DNMT3B: variants seen among roughly 807,000 people sequenced by gnomAD.
DNMT3B encodes DNA (cytosine-5)-methyltransferase 3B.
Under a neutral mutation model 120.2 loss-of-function variants are expected in DNMT3B, and 37 were observed. The observed-to-expected ratio is 0.31, with a 90% CI of 0.24 to 0.40. DNMT3B has a LOEUF of 0.40. Ranked by LOEUF, DNMT3B falls within the 10% of genes least tolerant of loss-of-function variation. DNMT3B has a pLI of 1.00. For missense variants in DNMT3B, 878 were observed against 1,137.3 expected (o/e 0.77, Z 3.28); for synonymous variants, 412 against 442.8 (o/e 0.93, Z 0.87).
At chr20:32,804,035 AGT>A (rs1981680018) in intron 20 of DNMT3B, among the ~76,000 whole-genome samples, 1 of 152,156 alleles carries the variant, frequency 6.6e-6, no homozygotes, top group Admixed American at 6.5e-5. Context: ...TAGAGAACAC[AGT>A]GTGAGTGGTG....
chr20:32,762,882 C>G (rs73112116), intron 1 of DNMT3B, among the ~76,000 whole-genome samples, 183 bp downstream of exon 1: 3,151 of 152,056 alleles, frequency 0.021, 46 homozygotes, highest in Non-Finnish European at 0.03. Context: ...GTCCACGGAC[C>G]CTGCTTGGGG....
At chr20:32,804,705 T>G (rs1981767698) in intron 20 of DNMT3B, among the ~76,000 whole-genome samples, 1 of 135,314 alleles carries the variant, frequency 7.4e-6, no homozygotes, top group African/African-American at 2.7e-5. Flanking sequence ...TTTTTTTTTT[T>G]GGAACCTTAA....
chr20:32,785,295 C>T (rs1175547131), intron 4 of DNMT3B, among the ~76,000 whole-genome samples: 5 of 152,210 alleles, frequency 3.3e-5, no homozygotes, highest in Non-Finnish European at 7.3e-5. Flanking sequence ...CCACCTTGGC[C>T]TCCTAAAGTG....
chr20:32,763,559 GCTCCTGGAAGATA>G (rs1241052570), intron 1 of DNMT3B, among the ~76,000 whole-genome samples: 2 of 152,226 alleles, frequency 1.3e-5, no homozygotes, highest in African/African-American at 4.8e-5. Flanking sequence ...TCTAGCACCA[GCTCCTGGAAGATA>G]AGCTTCCCGG....
chr20:32,785,588 G>A (rs1979173360), intron 4 of DNMT3B, among the ~76,000 whole-genome samples: 1 of 152,298 alleles, frequency 6.6e-6, no homozygotes, highest in South Asian at 2.1e-4. Context: ...TATCCCAGGT[G>A]TGGGTTACAG....
intron 20 of DNMT3B, 42 bp from the exon 21 acceptor site, chr20:32,805,296 C>T (rs368605891): frequency 6.2e-7 from 1 of 1,613,236 alleles, no homozygotes; most frequent in Non-Finnish European, 8.5e-7. Context: ...GCAGAGGACC[C>T]TCTATAGCTA....
At chr20:32,765,750 C>CTTTTTTTTTTTTT (rs1208508674) in intron 1 of DNMT3B, among the ~76,000 whole-genome samples, 8 of 108,440 alleles carry the variant, frequency 7.4e-5, no homozygotes, top group East Asian at 3.2e-4. Context: ...TTTATTTTTT[C>CTTTTTTTTTTTTT]TTTTTTTCTT....
intron 1 of DNMT3B, among the ~76,000 whole-genome samples, chr20:32,766,379 GT>G (rs1157610536): frequency 6.8e-5 from 10 of 146,444 alleles, no homozygotes; most frequent in South Asian, 2.2e-4. Flanking sequence ...GATAGCTTAA[GT>G]TTTTTTTTTT....
At chr20:32,766,694 T>C (rs1205537291) in intron 1 of DNMT3B, among the ~76,000 whole-genome samples, 1 of 151,152 alleles carries the variant, frequency 6.6e-6, no homozygotes, top group Non-Finnish European at 1.5e-5. Flanking sequence ...TTCAAGCAAT[T>C]CTCATGCCTC....
intron 22 of DNMT3B, among the ~76,000 whole-genome samples, chr20:32,806,583 T>A (rs1430155779): frequency 6.6e-6 from 1 of 152,216 alleles, no homozygotes; most frequent in East Asian, 1.9e-4. Flanking sequence ...TGCCGTGACA[T>A]CTGCCTGTCC....
At chr20:32,805,502 TC>T (rs2146083329) in intron 21 of DNMT3B, 95 bp downstream of exon 21, 5 of 1,435,980 alleles carry the variant, frequency 3.5e-6, no homozygotes, top group Non-Finnish European at 3.9e-6. Context: ...TTCCTACTCC[TC>T]CCCCCACGTG....
In DNMT3B at chr20:32,795,449, C is replaced by T. The variant is rs761852037; in HGVS notation, c.1167C>T (p.Thr389=). The T allele has an allele frequency of 1.2e-6, 2 of 1,614,044 alleles. No individual in the cohort carries two copies. Among genetic ancestry groups the T allele is most frequent in the African/African-American group, 1.3e-5 (1 of 74,908 alleles). Reference sequence around the variant, plus strand: ...GACGCACAGCTGACGACTCAGCCACCTCTGACTACTGCCCCGCACCCAAGC... The same window carrying T: ...GACGCACAGCTGACGACTCAGCCACTTCTGACTACTGCCCCGCACCCAAGC... ...TRRRTADDSA[T]SDYCPAPKRL... is the part of the protein sequence containing the mutation. The change falls in exon 11 of 23, where the codon ACC becomes ACT. Residue 389 remains threonine, a synonymous_variant. Coordinates refer to ENST00000328111, the MANE Select transcript of DNMT3B (RefSeq NM_006892.4).
Position 32,795,637 on chromosome 20 carries a change from C to T in DNMT3B, c.1253-13C>T, listed in dbSNP as rs764972167. ...CCCTGACCTCATCTCATGCCTTCTT[C>T]TTTTCTCAATAGAACAAATGGCTTC... On this transcript the variant is annotated splice_polypyrimidine_tract_variant and intron_variant, in intron 11 of 22. Transcript: ENST00000328111. 1.9e-6 allele frequency: 3 copies of T among 1,614,062 alleles called. No individual in the cohort carries two copies. Among genetic ancestry groups the T allele is most frequent in the East Asian group, 4.5e-5 (2 of 44,902 alleles).
At chr20:32,768,289 G>A (rs11907740) in intron 1 of DNMT3B, among the ~76,000 whole-genome samples, 43,542 of 134,986 alleles carry the variant, frequency 0.32, 7,308 homozygotes, top group East Asian at 0.73. Context: ...CCCGCTTCCC[G>A]GGTTCAAGCA....
At position 32,804,533 on chromosome 20, in the gene DNMT3B, C is replaced by T. The variant is rs555190204; in HGVS notation, c.2232-805C>T. On this transcript the variant is annotated intron_variant, in intron 20 of 22. Coordinates refer to ENST00000328111, the MANE Select transcript of DNMT3B (RefSeq NM_006892.4). ...CGTTCCTAACACAGGTTACTATGGCCGTCCCTGCGTCCAGTCCTCTTGCAC... is the reference window on the plus strand; with the variant it reads ...CGTTCCTAACACAGGTTACTATGGCTGTCCCTGCGTCCAGTCCTCTTGCAC... 3.3e-5 allele frequency among the ~76,000 whole-genome samples: 5 copies of T among 152,206 alleles called. No homozygotes were observed. In the South Asian group the frequency reaches 8.3e-4, roughly 25 times the overall value.
At chr20:32,771,456 C>T (rs1425718014) in intron 1 of DNMT3B, among the ~76,000 whole-genome samples, 1 of 151,996 alleles carries the variant, frequency 6.6e-6, no homozygotes, top group African/African-American at 2.4e-5. Flanking sequence ...GCCTGGCCAG[C>T]ATACTGAAAC....
chr20:32,775,789 C>T (rs556166842), intron 1 of DNMT3B, among the ~76,000 whole-genome samples: 5 of 152,388 alleles, frequency 3.3e-5, no homozygotes, highest in Admixed American at 1.3e-4. Context: ...TAATTCTTGT[C>T]TGTCTTGTCT....
chr20:32,781,221 A>G, intron 2 of DNMT3B, 132 bp from the exon 3 acceptor site: 2 of 889,660 alleles, frequency 2.2e-6, no homozygotes, highest in Non-Finnish European at 3.7e-6. Context: ...GACTGAGAGC[A>G]AATCCCTGTG....
intron 22 of DNMT3B, 101 bp downstream of exon 22, chr20:32,806,428 C>CCAGTAACACCAAAGGGCAG: frequency 9.0e-7 from 1 of 1,106,462 alleles, no homozygotes; most frequent in Non-Finnish European, 1.4e-6. Flanking sequence ...CCTCACTGCC[C>CCAGTAACACCAAAGGGCAG]TTTGGTGTTA....
Sources: gnomAD v4.1 joint callset for allele counts (sites outside exome capture counted in the v4.1 genomes callset) on GRCh38, gnomAD v4.1.1 for gene constraint, MANE v1.5 for transcripts, NCBI Gene and HGNC (gene_info 2026-07-23, HGNC 2026-07-21) for gene names.